Variants in GRB14 observed in about 807,000 individuals in gnomAD.
GRB14 encodes the protein growth factor receptor bound protein 14, also known as growth factor receptor-bound protein 14.
A neutral mutation model predicts 69.1 loss-of-function variants in GRB14; 38 were observed. The observed-to-expected ratio is 0.55, with a 90% CI of 0.42 to 0.72. The LOEUF (loss-of-function observed/expected upper bound fraction) is 0.72. GRB14 is among the 30% of genes least tolerant of loss of function. GRB14 has a pLI of 0.00. For synonymous variants in GRB14, 247 were observed against 241.3 expected, an observed-to-expected ratio of 1.02 and a Z score of -0.22; for missense variants, 666 against 666.1, an observed-to-expected ratio of 1.00 and a Z score of 0.00.
At chr2:164,554,610 CACA>C (rs1338664440) in intron 2 of GRB14, among the ~76,000 whole-genome samples, 1 of 152,172 alleles carries the variant, frequency 6.6e-6, no homozygotes, top group Non-Finnish European at 1.5e-5. Context: ...TCCTGACAAT[CACA>C]ACAACCTTGG....
At position 164,621,283 on chromosome 2, in the gene GRB14, C is replaced by T. The variant is rs1301990209; in HGVS notation, c.27G>A (p.Gln9=). 14 of 1,286,068 alleles carry T rather than the reference C, an allele frequency of 1.1e-5. No individual in the cohort carries two copies. Among genetic ancestry groups the T allele is most frequent in the East Asian group, 5.7e-5 (2 of 35,130 alleles). The allele number at this position is 1,286,068 out of a possible 1,614,324, so 79.7% of individuals were successfully genotyped here. A position where few individuals can be genotyped will look rare whatever the true frequency, so the allele number is the denominator to read the frequency against. Residue 9 remains glutamine (Q), a synonymous_variant, in exon 1 of 14, where the codon CAG becomes CAA. Coordinates refer to ENST00000263915, the MANE Select transcript of GRB14 (RefSeq NM_004490.3). This position sits in a 1 kb window ranked among gnomAD's most constrained non-coding sequence, Gnocchi z 6.0. ...GGGCAGCCGCCCTGCTCGCGGCGCT[C>T]TGCCCATCTTGCAGGGAAGTGGTCA... is the stretch of plus-strand genomic sequence containing the variant. MTTSLQDG[Q]SAASRAAARD... is the part of the protein sequence containing the mutation.
intron 9 of GRB14, among the ~76,000 whole-genome samples, chr2:164,499,361 C>A (rs190275222): frequency 6.6e-6 from 1 of 151,994 alleles, no homozygotes. Context: ...ACTAGATTAA[C>A]GGAAAACACA....
At chr2:164,605,305 G>A (rs2105355465) in intron 2 of GRB14, among the ~76,000 whole-genome samples, 1 of 152,288 alleles carries the variant, frequency 6.6e-6, no homozygotes, top group South Asian at 2.1e-4. Context: ...TACAGGAAGA[G>A]TATATTCTAT....
intron 2 of GRB14, among the ~76,000 whole-genome samples, chr2:164,592,341 A>T (rs1373864157): frequency 2.5e-4 from 38 of 152,062 alleles, no homozygotes; most frequent in Admixed American, 2.4e-3. Context: ...TCACCATGTT[A>T]GCCAAGATGG....
At chr2:164,586,474 G>C (rs903808633) in intron 2 of GRB14, among the ~76,000 whole-genome samples, 1 of 152,142 alleles carries the variant, frequency 6.6e-6, no homozygotes, top group African/African-American at 2.4e-5. Flanking sequence ...AGATCCCCCT[G>C]TTGTCTTTTA....
intron 2 of GRB14, among the ~76,000 whole-genome samples, chr2:164,556,792 G>A (rs1032209684): frequency 2.6e-5 from 4 of 152,120 alleles, no homozygotes; most frequent in African/African-American, 7.2e-5. Context: ...CCATAAGAAC[G>A]ATGTATGACA....
At chr2:164,538,230 A>G (rs775835511) in intron 3 of GRB14, among the ~76,000 whole-genome samples, 7 of 152,204 alleles carry the variant, frequency 4.6e-5, no homozygotes, top group Non-Finnish European at 7.3e-5. Context: ...CTAAAATACA[A>G]TTAATTCCTC....
At position 164,576,847 on chromosome 2, in the gene GRB14, A is replaced by C. The variant is rs555892107; in HGVS notation, c.325-29031T>G. Among the ~76,000 whole-genome samples, 31 of 152,078 alleles carry C rather than the reference A, an allele frequency of 2.0e-4. 1 individual carries two copies. In the South Asian group the frequency reaches 6.4e-3, roughly 32 times the overall value. On this transcript the variant is annotated intron_variant, in intron 2 of 13. Coordinates refer to ENST00000263915, the MANE Select transcript of GRB14 (RefSeq NM_004490.3). ...CTTGAAAAAAAAAGGTAAAATGATA[A>C]AACTAATAAGTTCTGAATCTGGTCT...
chr2:164,499,482 G>A (rs1686994575), intron 9 of GRB14, among the ~76,000 whole-genome samples: 1 of 152,214 alleles, frequency 6.6e-6, no homozygotes, highest in Non-Finnish European at 1.5e-5. Context: ...AAACTCAAAA[G>A]GTCATTTTCA....
intron 3 of GRB14, among the ~76,000 whole-genome samples, chr2:164,541,802 G>A (rs763702174): frequency 4.0e-5 from 6 of 151,864 alleles, no homozygotes; most frequent in East Asian, 3.9e-4. Context: ...AATCGCACCC[G>A]TCACCCAGAA....
intron 8 of GRB14, among the ~76,000 whole-genome samples, chr2:164,506,209 G>A (rs1255265645): frequency 6.6e-6 from 1 of 152,278 alleles, no homozygotes. Context: ...CTTAAGGATG[G>A]GGCGGGGACC....
At chr2:164,602,950 T>G (rs1174232860) in intron 2 of GRB14, among the ~76,000 whole-genome samples, 2 of 152,036 alleles carry the variant, frequency 1.3e-5, no homozygotes, top group African/African-American at 2.4e-5. Flanking sequence ...ATCTATCTCA[T>G]GTAAAGACCA....
intron 3 of GRB14, among the ~76,000 whole-genome samples, chr2:164,529,735 C>T (rs1687872951): frequency 6.6e-6 from 1 of 152,184 alleles, no homozygotes; most frequent in African/African-American, 2.4e-5. Flanking sequence ...CAAGCCTCTA[C>T]TTTCTCATTC....
chr2:164,615,193 T>C (rs1314494190), intron 2 of GRB14, among the ~76,000 whole-genome samples: 2 of 152,162 alleles, frequency 1.3e-5, no homozygotes, highest in African/African-American at 4.8e-5. Flanking sequence ...ACTCATTTTC[T>C]TGTGTTCCCA....
At chr2:164,586,079 C>T (rs1047143190) in intron 2 of GRB14, among the ~76,000 whole-genome samples, 6 of 152,018 alleles carry the variant, frequency 3.9e-5, no homozygotes, top group Admixed American at 2.0e-4. Flanking sequence ...AATAGAACCT[C>T]GAGTTATAGA....
chr2:164,600,458 T>C (rs1337570431), intron 2 of GRB14, among the ~76,000 whole-genome samples: 2 of 152,110 alleles, frequency 1.3e-5, no homozygotes, highest in African/African-American at 4.8e-5. Context: ...GTAGGAGAAA[T>C]GTCATTATTT....
chr2:164,598,903 A>G (rs1422011239), intron 2 of GRB14, among the ~76,000 whole-genome samples: 1 of 152,172 alleles, frequency 6.6e-6, no homozygotes, highest in Non-Finnish European at 1.5e-5. Context: ...TTATTATCAC[A>G]CTAACAAACT....
chr2:164,551,502 C>T (rs976054160), intron 2 of GRB14, among the ~76,000 whole-genome samples: 2 of 152,114 alleles, frequency 1.3e-5, no homozygotes, highest in African/African-American at 2.4e-5. Flanking sequence ...GAGGTAATTA[C>T]ATTATGCAGG....
intron 8 of GRB14, among the ~76,000 whole-genome samples, chr2:164,503,983 A>G (rs983847803): frequency 4.6e-5 from 7 of 152,064 alleles, no homozygotes; most frequent in Non-Finnish European, 8.8e-5. Context: ...CAGATAAGGG[A>G]CCAAAATATG....
Sources: allele counts gnomAD v4.1 joint callset (sites outside exome capture counted in the v4.1 genomes callset), GRCh38; gene constraint gnomAD v4.1.1; non-coding constraint Gnocchi (gnomAD v3.1); transcripts MANE v1.5; gene names NCBI Gene and HGNC (gene_info 2026-07-23, HGNC 2026-07-21).